The following NEDD4 variants were observed in gnomAD, a reference collection of about 807,000 sequenced individuals.
NEDD4 encodes the protein NEDD4 E3 ubiquitin protein ligase.
NEDD4 carries 99 observed loss-of-function variants against 144.9 expected under a neutral mutation model. That is an observed-to-expected ratio of 0.68 (90% CI 0.58 to 0.81). The LOEUF (loss-of-function observed/expected upper bound fraction) is 0.81, where lower values mean the gene tolerates loss of function less well. NEDD4 is among the 30% of genes least tolerant of loss of function. The pLI is 0.00. For synonymous variants in NEDD4, 318 were observed against 350.6 expected (o/e 0.91, Z 1.04); for missense variants, 985 against 1,065.9 (o/e 0.92, Z 1.06).
At chr15:55,926,079 TA>T in intron 4 of NEDD4, among the ~76,000 whole-genome samples, 1 of 151,912 alleles carries the variant, frequency 6.6e-6, no homozygotes, top group African/African-American at 2.4e-5. Context: ...TATGTAAAAA[TA>T]CATATACATA....
intron 5 of NEDD4, among the ~76,000 whole-genome samples, chr15:55,907,320 T>C (rs1244031144): frequency 6.6e-6 from 1 of 152,078 alleles, no homozygotes; most frequent in African/African-American, 2.4e-5. Flanking sequence ...AGAAATAATA[T>C]CTGACTTTTA....
chr15:55,979,500 C>T (rs190523969), intron 1 of NEDD4, among the ~76,000 whole-genome samples: 2,607 of 150,132 alleles, frequency 0.017, 67 homozygotes, highest in African/African-American at 0.06. Context: ...ACTACAGGCG[C>T]CCGCCACCGC....
chr15:55,863,229 ATAATG>A (rs2034470134), intron 8 of NEDD4, 150 bp from the exon 9 acceptor site: 4 of 591,314 alleles, frequency 6.8e-6, no homozygotes, highest in Non-Finnish European at 7.7e-6. Flanking sequence ...TTTTAAGACC[ATAATG>A]TAAATACTTT....
intron 1 of NEDD4, among the ~76,000 whole-genome samples, chr15:55,971,027 G>A (rs1055903092): frequency 3.3e-5 from 5 of 152,084 alleles, no homozygotes; most frequent in African/African-American, 9.7e-5. Flanking sequence ...GAAGCTCAAT[G>A]AAATACAAGA....
chr15:55,980,289 G>C (rs1180361473), intron 1 of NEDD4, among the ~76,000 whole-genome samples: 1 of 152,186 alleles, frequency 6.6e-6, no homozygotes, highest in Non-Finnish European at 1.5e-5. Context: ...TTGGCGCACA[G>C]TAGGGGCTGA....
At chr15:55,837,718 G>A (rs571647994) in intron 24 of NEDD4, 71 bp downstream of exon 24, 5 of 1,029,392 alleles carry the variant, frequency 4.9e-6, no homozygotes, top group Non-Finnish European at 5.8e-6. Context: ...CAGATGTGAT[G>A]AGGCCTAATA....
chr15:55,900,008 G>C (rs868801028), intron 5 of NEDD4, among the ~76,000 whole-genome samples: 7 of 151,574 alleles, frequency 4.6e-5, no homozygotes, highest in African/African-American at 1.5e-4. Flanking sequence ...CTGAGATTCA[G>C]ACATGTCCTC....
chr15:55,850,571 T>TA lies in NEDD4; in HGVS notation c.1317dup (p.Ile440TyrfsTer2). 6.2e-7 allele frequency: 1 copy of TA among 1,614,160 alleles called. No homozygotes were observed. The highest frequency in any genetic ancestry group is 1.1e-5 in the South Asian group (1 of 91,080). On this transcript the variant is annotated frameshift_variant, in exon 14 of 29. Transcript: ENST00000435532. LOFTEE classifies it high-confidence loss of function. ...GTGGTGGTTTTAGTGTTGTGGTCAA[T>TA]AAAGAAAGGCCTCCCATTTGGTGCA... is the stretch of plus-strand genomic sequence containing the variant.
At chr15:55,855,279 G>A (rs1384097924) in intron 12 of NEDD4, among the ~76,000 whole-genome samples, 2 of 152,162 alleles carry the variant, frequency 1.3e-5, no homozygotes. Context: ...TATCTAGACT[G>A]CCATTCAAAG....
At chr15:55,993,204 T>A (rs1328231035) in intron 1 of NEDD4, among the ~76,000 whole-genome samples, 1 of 151,792 alleles carries the variant, frequency 6.6e-6, no homozygotes, top group Admixed American at 6.6e-5. Flanking sequence ...GTGATGTGGG[T>A]CCCCCGCCGA....
intron 5 of NEDD4, among the ~76,000 whole-genome samples, chr15:55,919,302 T>C (rs1215659955): frequency 6.6e-6 from 1 of 152,190 alleles, no homozygotes; most frequent in African/African-American, 2.4e-5. Context: ...TTTCTTGTTG[T>C]TGTTGAAGTT....
intron 27 of NEDD4, among the ~76,000 whole-genome samples, chr15:55,830,857 G>A (rs1163489148): frequency 2.0e-5 from 3 of 152,150 alleles, no homozygotes; most frequent in East Asian, 3.9e-4. Context: ...GCACCACCAC[G>A]CCTGGCTAAC....
At chr15:55,879,904 T>C (rs1296095206) in intron 5 of NEDD4, among the ~76,000 whole-genome samples, 2 of 152,008 alleles carry the variant, frequency 1.3e-5, no homozygotes, top group African/African-American at 4.8e-5. Context: ...ATCGAAATAA[T>C]AGGCATTCCA....
Position 55,829,821 on chromosome 15 carries a change from T to C in NEDD4, c.*76A>G. On this transcript the variant is annotated 3_prime_UTR_variant, in exon 29 of 29. Transcript: ENST00000435532. ...GACTCAGTGGCCACATTTTAGTAGT[T>C]CCCCGGAAAATTTTAAGTCAAGATT... 1.8e-6 allele frequency: 2 copies of C among 1,085,792 alleles called. No homozygotes were observed. The highest frequency in any genetic ancestry group is 2.7e-6 in the Non-Finnish European group (2 of 744,868). The allele number at this position is 1,085,792 out of a possible 1,614,324, so 67.3% of individuals were successfully genotyped here.
In NEDD4 at chr15:55,901,331, G is replaced by A. The variant is rs142200598; in HGVS notation, c.291+23315C>T. On this transcript the variant is annotated intron_variant, in intron 5 of 28. Transcript: ENST00000435532. ...TTTCAATGGGGGATCAAAGAAACAAGAGTTCGTTTTAGAACTACCAATTAT... is the reference window on the plus strand; with the variant it reads ...TTTCAATGGGGGATCAAAGAAACAAAAGTTCGTTTTAGAACTACCAATTAT... Among the ~76,000 whole-genome samples, 154 of 152,246 alleles carry A rather than the reference G, an allele frequency of 1.0e-3. No homozygotes were observed. The Middle Eastern group carries it at 0.014, about 13-fold the overall frequency.
chr15:55,979,539 G>C lies in NEDD4; in HGVS notation c.46-12993C>G, dbSNP rs1000638521. Among the ~76,000 whole-genome samples, 67 of 150,524 alleles carry C rather than the reference G, an allele frequency of 4.5e-4. 1 individual carries two copies. In the Middle Eastern group the frequency reaches 0.01, roughly 23 times the overall value. Reference sequence around the variant, plus strand: ...CGGCTAATTTTTTGTATTTTTAGTAGAGACGGGGTTTCACCTTGTTAGCCA... The same window carrying C: ...CGGCTAATTTTTTGTATTTTTAGTACAGACGGGGTTTCACCTTGTTAGCCA... On this transcript the variant is annotated intron_variant, in intron 1 of 28. Transcript: ENST00000435532.
At chr15:55,945,734 GA>G (rs1301281232) in intron 4 of NEDD4, among the ~76,000 whole-genome samples, 19 of 151,872 alleles carry the variant, frequency 1.3e-4, no homozygotes, top group African/African-American at 4.6e-4. Flanking sequence ...TGAAATGAAG[GA>G]AAAAATGTTA....
intron 1 of NEDD4, among the ~76,000 whole-genome samples, chr15:55,971,412 G>C (rs1464994624): frequency 6.6e-6 from 1 of 152,052 alleles, no homozygotes; most frequent in Non-Finnish European, 1.5e-5. Context: ...ATCTCTTGAG[G>C]TCAGGAGTTC....
In NEDD4 at chr15:55,924,719, T is replaced by G; in HGVS notation, c.238-20A>C. 1 of 1,599,142 alleles carries G rather than the reference T, an allele frequency of 6.3e-7. No individual in the cohort carries two copies. The highest frequency in any genetic ancestry group is 8.5e-7 in the Non-Finnish European group (1 of 1,172,284). ...ATGAACCTAAGAAAAACACAATCTTTATTTAAAAACAAGTAAACATCAACC... is the reference window on the plus strand; with the variant it reads ...ATGAACCTAAGAAAAACACAATCTTGATTTAAAAACAAGTAAACATCAACC... On this transcript the variant is annotated intron_variant, in intron 4 of 28. Coordinates refer to ENST00000435532, the MANE Select transcript of NEDD4 (RefSeq NM_006154.4).
Sources: allele counts gnomAD v4.1 joint callset (sites outside exome capture counted in the v4.1 genomes callset), GRCh38; gene constraint gnomAD v4.1.1; transcripts MANE v1.5; gene names NCBI Gene and HGNC (gene_info 2026-07-23, HGNC 2026-07-21).